AP1S3: variants seen among roughly 807,000 people sequenced by gnomAD.
AP1S3 encodes the protein adaptor related protein complex 1 subunit sigma 3.
Under a neutral mutation model 20.9 loss-of-function variants are expected in AP1S3, and 10 were observed. The ratio of observed to expected loss-of-function variants is 0.48; its 90% CI spans 0.29 to 0.81. The LOEUF (loss-of-function observed/expected upper bound fraction) is 0.81, where lower values mean the gene tolerates loss of function less well. AP1S3 is among the 30% of genes least tolerant of loss of function. The pLI is 0.08. For synonymous variants in AP1S3, 41 were observed against 61.5 expected, an observed-to-expected ratio of 0.67 and a Z score of 1.56; for missense variants, 154 against 183.8, an observed-to-expected ratio of 0.84 and a Z score of 0.94.
In AP1S3 at chr2:223,795,994, G is replaced by A. The variant is rs141549888; in HGVS notation, c.4-18125C>T. On this transcript the variant is annotated intron_variant, in intron 1 of 4. Coordinates refer to ENST00000396654, the MANE Select transcript of AP1S3 (RefSeq NM_001039569.2). ...TCGAGATCAGCCTGGCCAACATGGC[G>A]AAAGCCCTTCTCTACTAAAAATACA... Among the ~76,000 whole-genome samples, 262 of 152,204 alleles carry A rather than the reference G, an allele frequency of 1.7e-3. 1 individual carries two copies. The highest frequency in any genetic ancestry group is 5.7e-3 in the African/African-American group (235 of 41,542).
intron 1 of AP1S3, among the ~76,000 whole-genome samples, chr2:223,793,805 GTTTTT>G (rs202227955): frequency 6.7e-6 from 1 of 148,182 alleles, no homozygotes; most frequent in Non-Finnish European, 1.5e-5. Flanking sequence ...CACCTAATAC[GTTTTT>G]TTTTTGTTTG....
intron 1 of AP1S3, among the ~76,000 whole-genome samples, chr2:223,812,379 G>A (rs1032770521): frequency 9.2e-5 from 14 of 152,172 alleles, no homozygotes; most frequent in South Asian, 2.1e-4. Context: ...GCGCCACCAC[G>A]CCTGGCTAAT....
chr2:223,807,283 G>C lies in AP1S3; in HGVS notation c.4-29414C>G, dbSNP rs184129090. Among the ~76,000 whole-genome samples the C allele has an allele frequency of 6.3e-3, 966 of 152,170 alleles. 9 individuals are homozygous for C. The highest frequency in any genetic ancestry group is 0.022 in the African/African-American group (932 of 41,546). ...CCCTGTCTCAAAAAAGAGAGAGACA[G>C]AGAGAAAAATACAAAATACAGTAGC... On this transcript the variant is annotated intron_variant, in intron 1 of 4. Coordinates refer to ENST00000396654, the MANE Select transcript of AP1S3 (RefSeq NM_001039569.2).
chr2:223,805,500 C>A (rs981367051), intron 1 of AP1S3, among the ~76,000 whole-genome samples: 9 of 152,096 alleles, frequency 5.9e-5, no homozygotes, highest in African/African-American at 2.2e-4. Flanking sequence ...ATGTTTCCTG[C>A]CTTTCAATTA....
At chr2:223,807,916 C>T (rs1367529205) in intron 1 of AP1S3, among the ~76,000 whole-genome samples, 5 of 122,636 alleles carry the variant, frequency 4.1e-5, no homozygotes, top group African/African-American at 1.3e-4. Context: ...CACTCTGTCA[C>T]CCAGGCAGTG....
chr2:223,836,602 T>C (rs1189915434), intron 1 of AP1S3, among the ~76,000 whole-genome samples: 1 of 152,064 alleles, frequency 6.6e-6, no homozygotes, highest in East Asian at 1.9e-4. Flanking sequence ...TAGCTGGGTG[T>C]GGTGGCACAC....
intron 1 of AP1S3, among the ~76,000 whole-genome samples, chr2:223,790,605 T>G (rs1169759996): frequency 6.6e-6 from 1 of 152,216 alleles, no homozygotes; most frequent in Non-Finnish European, 1.5e-5. Context: ...GTCATTAGTC[T>G]ACTGGCCTGT....
rs146372138 is a variant in AP1S3 at position 223,829,702 on chromosome 2, T to C, written c.3+7746A>G. Among the ~76,000 whole-genome samples the C allele has an allele frequency of 4.9e-3, 741 of 151,408 alleles. 8 individuals carry two copies. The highest frequency in any genetic ancestry group is 0.017 in the African/African-American group (711 of 41,232). Reference sequence around the variant, plus strand: ...AAAGTTAAAAATTAGCTGGGTAAGGTGGTGGGCACCTGTAATCCCAGCTAC... The same window carrying C: ...AAAGTTAAAAATTAGCTGGGTAAGGCGGTGGGCACCTGTAATCCCAGCTAC... On this transcript the variant is annotated intron_variant, in intron 1 of 4. Transcript: ENST00000396654.
intron 3 of AP1S3, 50 bp from the exon 4 acceptor site, chr2:223,765,400 G>A: frequency 6.4e-7 from 1 of 1,561,292 alleles, no homozygotes; most frequent in Non-Finnish European, 8.6e-7. Flanking sequence ...TGTATCAGGG[G>A]AAACATCTGC....
chr2:223,759,076 C>A (rs1690290580), intron 4 of AP1S3, among the ~76,000 whole-genome samples: 1 of 151,988 alleles, frequency 6.6e-6, no homozygotes, highest in African/African-American at 2.4e-5. Flanking sequence ...GGCAGATCAC[C>A]TGAGGCCAGC....
Position 223,776,219 on chromosome 2 carries a change from C to A in AP1S3, c.183-210G>T, listed in dbSNP as rs974010059. ...GGGGTTGGATTACTTCCATTAATTA[C>A]GCATGAAAGACTCTCAACAAAATTT... is the stretch of plus-strand genomic sequence containing the variant. On this transcript the variant is annotated intron_variant, in intron 2 of 4. Transcript: ENST00000396654. 21 of 655,106 alleles carry A rather than the reference C, an allele frequency of 3.2e-5. No individual in the cohort carries two copies. The Admixed American group carries it at 4.2e-4, about 13-fold the overall frequency. The allele number at this position is 655,106 out of a possible 1,614,324, so 40.6% of individuals were successfully genotyped here. A position where few individuals can be genotyped will look rare whatever the true frequency, so the allele number is the denominator to read the frequency against.
At chr2:223,792,953 G>T (rs1691243896) in intron 1 of AP1S3, among the ~76,000 whole-genome samples, 2 of 151,986 alleles carry the variant, frequency 1.3e-5, no homozygotes, top group Non-Finnish European at 2.9e-5. Context: ...CATACATGTA[G>T]CCAACAAACA....
Position 223,765,159 on chromosome 2 carries a change from C to CCATCAT in AP1S3, c.429+48_429+53dup, listed in dbSNP as rs10644138. On this transcript the variant is annotated intron_variant, in intron 4 of 4. Coordinates refer to ENST00000396654, the MANE Select transcript of AP1S3 (RefSeq NM_001039569.2). ...CTGGTTAATATTATAATTATTAACA[C>CCATCAT]CATCATCATCATCATCATCATCTTT... 0.44 allele frequency: 690,696 copies of CCATCAT among 1,558,338 alleles called. 146,314 individuals carry two copies. Among genetic ancestry groups the CCATCAT allele is most frequent in the South Asian group, 0.56 (46,772 of 83,452 alleles).
intron 1 of AP1S3, among the ~76,000 whole-genome samples, chr2:223,825,088 G>T (rs6760260): frequency 0.49 from 74,165 of 151,212 alleles, 18,250 homozygotes; most frequent in Middle Eastern, 0.57. Flanking sequence ...GGCGGGCGGA[G>T]CACGAGGTCA....
intron 1 of AP1S3, among the ~76,000 whole-genome samples, chr2:223,801,129 T>G (rs866946796): frequency 2.6e-5 from 4 of 152,198 alleles, no homozygotes; most frequent in African/African-American, 9.6e-5. Flanking sequence ...GGTTGACATA[T>G]GTAGGGCATG....
chr2:223,836,626 G>A (rs1408125569), intron 1 of AP1S3, among the ~76,000 whole-genome samples: 2 of 152,178 alleles, frequency 1.3e-5, no homozygotes, highest in Admixed American at 6.5e-5. Flanking sequence ...TGTAATCCCC[G>A]TTACTCGGGA....
In AP1S3 at chr2:223,779,144, T is replaced by G. The variant is rs529522115; in HGVS notation, c.4-1275A>C. On this transcript the variant is annotated intron_variant, in intron 1 of 4. Transcript: ENST00000396654. The stretch of plus-strand genomic sequence containing the variant: ...TTGGCTACACTAGGAAGCAACCTGA[T>G]TTTATTTTCAAATAAGTTCTGAAAT... Among the ~76,000 whole-genome samples, 5 of 152,366 alleles carry G rather than the reference T, an allele frequency of 3.3e-5. No individual in the cohort carries two copies. In the East Asian group the frequency reaches 7.7e-4, roughly 23 times the overall value.
chr2:223,758,802 C>T (rs769818919), intron 4 of AP1S3, 52 bp from the exon 5 acceptor site: 85 of 1,475,994 alleles, frequency 5.8e-5, no homozygotes, highest in Admixed American at 1.1e-4. Flanking sequence ...CACAGCCTTC[C>T]GCAGACTGTG....
At chr2:223,772,555 T>C (rs764476857) in intron 3 of AP1S3, among the ~76,000 whole-genome samples, 1 of 152,208 alleles carries the variant, frequency 6.6e-6, no homozygotes, top group Non-Finnish European at 1.5e-5. Context: ...CTTTGAGGCA[T>C]TTCCTCTGAG....
Sources: gnomAD v4.1 joint callset for allele counts (sites outside exome capture counted in the v4.1 genomes callset) on GRCh38, gnomAD v4.1.1 for gene constraint, MANE v1.5 for transcripts, NCBI Gene and HGNC (gene_info 2026-07-23, HGNC 2026-07-21) for gene names.